The following EMILIN2 variants were observed in gnomAD, a reference collection of about 807,000 sequenced individuals.
The protein encoded by EMILIN2 is elastin microfibril interfacer 2, also known as EMILIN-2.
Under a neutral mutation model 87.1 loss-of-function variants are expected in EMILIN2, and 71 were observed. The ratio of observed to expected loss-of-function variants is 0.82; its 90% CI spans 0.67 to 0.99. The LOEUF is 0.99. EMILIN2 is among the 50% of genes least tolerant of loss of function. The pLI, the probability that EMILIN2 is intolerant of heterozygous loss-of-function variation, is 0.00. For missense variants in EMILIN2, 1,407 were observed against 1,371.8 expected (o/e 1.03, Z -0.40); for synonymous variants, 581 against 563.4 (o/e 1.03, Z -0.44).
In EMILIN2 at chr18:2,909,728, G is replaced by A. The variant is rs1352361261; in HGVS notation, c.2733G>A (p.Gly911=). The change falls in exon 7 of 8, where the codon GGG becomes GGA. Residue 911 remains glycine (G), a synonymous_variant. Coordinates refer to ENST00000254528, the MANE Select transcript of EMILIN2 (RefSeq NM_032048.3). ...CTTCTCTGGTGTCTTTTTCTGCGGG[G>A]CTCACCCAGAAGCCTTTCCCCAGTG... ...PVPSLVSFSA[G]LTQKPFPSDG... 2.5e-6 allele frequency: 4 copies of A among 1,613,972 alleles called. No individual in the cohort carries two copies. The highest frequency in any genetic ancestry group is 2.2e-5 in the East Asian group (1 of 44,864).
chr18:2,847,250 C>A lies in EMILIN2; in HGVS notation c.62C>A (p.Ala21Asp). ...TGGCGCTGGGCGCTGGCGCTGCTGG[C>A]CCTGGTTGGCGCGGGGCTGTGCCAC... ...VPWRWALALL[A>D]LVGAGLCHAG... Residue 21 changes from alanine to aspartate, a missense_variant, in exon 1 of 8, where the codon GCC becomes GAC. Physicochemically the swap from Ala to Asp is moderately radical, Grantham distance 126. Coordinates refer to ENST00000254528, the MANE Select transcript of EMILIN2 (RefSeq NM_032048.3). This position sits in a 1 kb window ranked among gnomAD's most constrained non-coding sequence, Gnocchi z 4.5. 1.5e-6 allele frequency: 2 copies of A among 1,291,684 alleles called. No individual in the cohort carries two copies. Among genetic ancestry groups the A allele is most frequent in the South Asian group, 4.6e-5 (2 of 43,676 alleles). The allele number at this position is 1,291,684 out of a possible 1,614,324, so 80.0% of individuals were successfully genotyped here.
chr18:2,894,440 G>A lies in EMILIN2; in HGVS notation c.2359+1954G>A, dbSNP rs2076854300. 6.6e-6 allele frequency among the ~76,000 whole-genome samples: 1 copy of A among 152,154 alleles called. No homozygotes were observed. The highest frequency in any genetic ancestry group is 2.4e-5 in the African/African-American group (1 of 41,430). On this transcript the variant is annotated intron_variant, in intron 4 of 7. Coordinates refer to ENST00000254528, the MANE Select transcript of EMILIN2 (RefSeq NM_032048.3). This position sits in a 1 kb window ranked among gnomAD's most constrained non-coding sequence, Gnocchi z 5.0. ...GGGCCACTCAGCTCCTCTATCTCTG[G>A]AATGTTGAGTAGAGGTCACAAGACC...
At chr18:2,868,706 G>C (rs1261710871) in intron 2 of EMILIN2, among the ~76,000 whole-genome samples, 1 of 152,268 alleles carries the variant, frequency 6.6e-6, no homozygotes, top group Admixed American at 6.5e-5. Context: ...TGAGGCAGGA[G>C]AATCAGGCAG....
intron 2 of EMILIN2, among the ~76,000 whole-genome samples, chr18:2,883,471 A>C (rs2076787522): frequency 6.6e-6 from 1 of 152,202 alleles, no homozygotes; most frequent in Non-Finnish European, 1.5e-5. Context: ...AATGAAGAGG[A>C]GCTGAAGAGC....
Position 2,890,503 on chromosome 18 carries a change from C to T in EMILIN2, c.434-58C>T, listed in dbSNP as rs760704473. 23 of 1,510,416 alleles carry T rather than the reference C, an allele frequency of 1.5e-5. No homozygotes were observed. Among genetic ancestry groups the T allele is most frequent in the Admixed American group, 4.5e-5 (2 of 44,444 alleles). 93.6% of individuals were successfully genotyped at this position (1,510,416 alleles called of 1,614,324 possible). ...GTAGGTACCTTGTTTATTGTCTTGG[C>T]AGAATCTGGCTAAAGGTAGAAAATG... On this transcript the variant is annotated intron_variant, in intron 3 of 7. Coordinates refer to ENST00000254528, the MANE Select transcript of EMILIN2 (RefSeq NM_032048.3). The surrounding 1 kb of genome is among the most constrained non-coding windows in gnomAD (Gnocchi z 4.7).
At chr18:2,861,742 T>G (rs531856838) in intron 2 of EMILIN2, among the ~76,000 whole-genome samples, 195 of 152,324 alleles carry the variant, frequency 1.3e-3, no homozygotes, top group African/African-American at 4.4e-3. Context: ...ATATGAACTT[T>G]AAAGTAGTTT....
intron 5 of EMILIN2, 59 bp downstream of exon 5, chr18:2,907,144 C>A: frequency 8.2e-7 from 1 of 1,225,114 alleles, no homozygotes; most frequent in Non-Finnish European, 1.0e-6. Flanking sequence ...TCCGCCTGAG[C>A]CTCGGGGTCT....
chr18:2,852,599 A>G (rs1471644547), intron 2 of EMILIN2, among the ~76,000 whole-genome samples: 1 of 152,020 alleles, frequency 6.6e-6, no homozygotes, highest in Non-Finnish European at 1.5e-5. Flanking sequence ...GCTCACTGCA[A>G]CCTCCACCTC....
chr18:2,888,612 G>A (rs940956033), intron 3 of EMILIN2, among the ~76,000 whole-genome samples: 1 of 151,742 alleles, frequency 6.6e-6, no homozygotes, highest in Admixed American at 6.6e-5. Flanking sequence ...CTACTCGGGA[G>A]GCTGAGGCAG....
chr18:2,905,833 A>G (rs1339680611), intron 4 of EMILIN2, among the ~76,000 whole-genome samples: 1 of 145,350 alleles, frequency 6.9e-6, no homozygotes, highest in Non-Finnish European at 1.5e-5. Flanking sequence ...CATCTTGGTC[A>G]GGCTGGTCTC....
At chr18:2,860,448 T>C (rs2076655022) in intron 2 of EMILIN2, among the ~76,000 whole-genome samples, 1 of 152,164 alleles carries the variant, frequency 6.6e-6, no homozygotes, top group Admixed American at 6.5e-5. Flanking sequence ...CCATGTGTTA[T>C]CATTGTTCAA....
chr18:2,851,285 A>G (rs1320183649), intron 2 of EMILIN2, among the ~76,000 whole-genome samples: 1 of 151,954 alleles, frequency 6.6e-6, no homozygotes, highest in African/African-American at 2.4e-5. Flanking sequence ...AAAAAAAAAA[A>G]ATAGCAGGGC....
At chr18:2,904,576 C>T (rs960008074) in intron 4 of EMILIN2, among the ~76,000 whole-genome samples, 3 of 152,224 alleles carry the variant, frequency 2.0e-5, no homozygotes, top group African/African-American at 7.2e-5. Flanking sequence ...CCTTTTTAAT[C>T]AGCAAAGGCT....
Position 2,847,095 on chromosome 18 carries a change from G to T in EMILIN2, c.-94G>T, listed in dbSNP as rs2076578045. On this transcript the variant is annotated 5_prime_UTR_variant, in exon 1 of 8. Coordinates refer to ENST00000254528, the MANE Select transcript of EMILIN2 (RefSeq NM_032048.3). The surrounding 1 kb of genome is among the most constrained non-coding windows in gnomAD (Gnocchi z 4.5). ...AAGCGCCCGAGCCTCTTGCCTTCGC[G>T]GGCGGCGCCCTGGCCGCCGGCAGCC... 9.3e-7 allele frequency: 1 copy of T among 1,073,522 alleles called. No individual in the cohort carries two copies. Among genetic ancestry groups the T allele is most frequent in the Non-Finnish European group, 1.1e-6 (1 of 880,212 alleles). The allele number at this position is 1,073,522 out of a possible 1,614,324, so 66.5% of individuals were successfully genotyped here.
intron 2 of EMILIN2, among the ~76,000 whole-genome samples, chr18:2,879,035 C>T (rs905466014): frequency 3.9e-5 from 6 of 152,004 alleles, no homozygotes; most frequent in South Asian, 2.1e-4. Flanking sequence ...GAGCAGCTGG[C>T]GAGATGGTCC....
chr18:2,884,812 G>T (rs1410876632), intron 2 of EMILIN2, 152 bp from the exon 3 acceptor site: 2 of 696,558 alleles, frequency 2.9e-6, no homozygotes, highest in Middle Eastern at 4.2e-4. Context: ...CCCCCAGTCA[G>T]ATCTGGACTG....
chr18:2,913,187 C>T lies in EMILIN2; in HGVS notation c.2945C>T (p.Thr982Ile). 1 of 1,614,038 alleles carries T rather than the reference C, an allele frequency of 6.2e-7. No individual in the cohort carries two copies. ...VSNASVAQLH[T>I]AGYRREFLEY... ...AACGCCAGCGTGGCCCAGCTGCATA[C>T]CGCTGGGTACAGGAGAGAGTTCCTG... Residue 982 changes from threonine (T) to isoleucine (I), a missense_variant, in exon 8 of 8, where the codon ACC becomes ATC. Physicochemically the swap from Thr to Ile is moderately conservative, Grantham distance 89. Transcript: ENST00000254528.
intron 2 of EMILIN2, among the ~76,000 whole-genome samples, chr18:2,864,468 C>T (rs529582070): frequency 6.4e-4 from 97 of 152,228 alleles, no homozygotes; most frequent in Middle Eastern, 3.4e-3. Flanking sequence ...TTTATTTCTC[C>T]TTCACTTATG....
intron 7 of EMILIN2, among the ~76,000 whole-genome samples, chr18:2,912,398 T>C (rs1222315739): frequency 6.6e-6 from 1 of 152,146 alleles, no homozygotes; most frequent in East Asian, 1.9e-4. Context: ...TGGCTTGTTG[T>C]CAGCGGCAAG....
Sources: allele counts gnomAD v4.1 joint callset (sites outside exome capture counted in the v4.1 genomes callset), GRCh38; gene constraint gnomAD v4.1.1; non-coding constraint Gnocchi (gnomAD v3.1); transcripts MANE v1.5; gene names NCBI Gene and HGNC (gene_info 2026-07-23, HGNC 2026-07-21).